UPP2: variants seen among roughly 807,000 people sequenced by gnomAD.
The protein encoded by UPP2 is uridine phosphorylase 2.
Under a neutral mutation model 26.7 loss-of-function variants are expected in UPP2, and 23 were observed. That is an observed-to-expected ratio of 0.86 (90% CI 0.62 to 1.22). UPP2 has a LOEUF of 1.22. Ranked by LOEUF, UPP2 falls within the 50% of genes most tolerant of loss-of-function variation. UPP2 has a pLI of 0.00. For synonymous variants in UPP2, 127 were observed against 141.3 expected, an observed-to-expected ratio of 0.90 and a Z score of 0.72; for missense variants, 387 against 396.7, an observed-to-expected ratio of 0.98 and a Z score of 0.21.
intron 3 of UPP2, among the ~76,000 whole-genome samples, chr2:158,051,804 A>C (rs200982727): frequency 1.5e-5 from 1 of 66,998 alleles, no homozygotes; most frequent in Middle Eastern, 8.8e-3. Flanking sequence ...ACAACAACAA[A>C]ACAAAACAAC....
intron 3 of UPP2, among the ~76,000 whole-genome samples, chr2:158,026,120 G>C (rs1419551388): frequency 2.0e-5 from 3 of 152,070 alleles, no homozygotes; most frequent in Non-Finnish European, 4.4e-5. Context: ...GGTGGGAAGG[G>C]AAAGCTCTTG....
chr2:158,036,993 CTTCAAG>C (rs1478428621), intron 3 of UPP2, among the ~76,000 whole-genome samples: 1 of 152,190 alleles, frequency 6.6e-6, no homozygotes, highest in Non-Finnish European at 1.5e-5. Context: ...AGTTTCCTAT[CTTCAAG>C]TTCATTTATT....
intron 5 of UPP2, among the ~76,000 whole-genome samples, chr2:158,122,828 T>C (rs1683599993): frequency 6.6e-6 from 1 of 152,206 alleles, no homozygotes; most frequent in African/African-American, 2.4e-5. Flanking sequence ...CGACATTACC[T>C]GCTTGGCTTC....
At chr2:158,095,488 T>C (rs1682971104) in intron 3 of UPP2, among the ~76,000 whole-genome samples, 1 of 152,142 alleles carries the variant, frequency 6.6e-6, no homozygotes, top group South Asian at 2.1e-4. Flanking sequence ...CCTTGGACTT[T>C]GTCTTCTTTA....
intron 3 of UPP2, chr2:158,065,874 G>A: frequency 1.5e-6 from 1 of 647,094 alleles, no homozygotes; most frequent in East Asian, 2.9e-5. Flanking sequence ...CCTTGGGAGA[G>A]CTCCAGTACT....
intron 3 of UPP2, among the ~76,000 whole-genome samples, chr2:158,035,505 T>C (rs1422154667): frequency 6.6e-6 from 1 of 152,168 alleles, no homozygotes; most frequent in Admixed American, 6.5e-5. Context: ...GATCAGCATA[T>C]TATCCCATTC....
At chr2:158,069,017 C>T (rs1574273420) in intron 3 of UPP2, among the ~76,000 whole-genome samples, 1 of 150,870 alleles carries the variant, frequency 6.6e-6, no homozygotes. Context: ...CGAGGTTTCA[C>T]TGTGTTAGCC....
At chr2:158,119,122 A>G (rs1411036968) in intron 4 of UPP2, among the ~76,000 whole-genome samples, 1 of 152,064 alleles carries the variant, frequency 6.6e-6, no homozygotes, top group African/African-American at 2.4e-5. Context: ...ATAGCTATTA[A>G]AGTTGCTCAT....
chr2:158,128,625 G>A (rs1683741715), intron 6 of UPP2, among the ~76,000 whole-genome samples: 1 of 152,164 alleles, frequency 6.6e-6, no homozygotes, highest in East Asian at 1.9e-4. Flanking sequence ...GGAAACAGGT[G>A]AGCTGGACTT....
At chr2:158,016,868 T>C (rs1015704258) in intron 3 of UPP2, among the ~76,000 whole-genome samples, 1 of 152,236 alleles carries the variant, frequency 6.6e-6, no homozygotes, top group Non-Finnish European at 1.5e-5. Context: ...TTTTTCCCTC[T>C]GAACAAAAAA....
At chr2:158,022,473 A>AG (rs1421942360) in intron 3 of UPP2, among the ~76,000 whole-genome samples, 13 of 151,952 alleles carry the variant, frequency 8.6e-5, no homozygotes, top group Non-Finnish European at 1.5e-5. Context: ...AAAAAAAAAA[A>AG]AAAGTTCCAT....
At chr2:158,001,299 A>T (rs575271006) in intron 2 of UPP2, among the ~76,000 whole-genome samples, 1 of 152,282 alleles carries the variant, frequency 6.6e-6, no homozygotes, top group East Asian at 1.9e-4. Flanking sequence ...GGAAATCACA[A>T]GGAGTAGTGC....
intron 2 of UPP2, among the ~76,000 whole-genome samples, chr2:158,001,957 CAAAAAAAAAA>C (rs200818827): frequency 7.6e-5 from 5 of 65,492 alleles, no homozygotes; most frequent in Admixed American, 2.5e-4. Context: ...GAATGAGCAC[CAAAAAAAAAA>C]AAAAAAAAAA....
chr2:158,035,173 T>TC (rs1290696763), intron 3 of UPP2, among the ~76,000 whole-genome samples: 8 of 151,328 alleles, frequency 5.3e-5, no homozygotes, highest in Non-Finnish European at 1.2e-4. Context: ...TTTTTTTTTT[T>TC]CTGAGATGGA....
At chr2:158,091,753 T>C (rs756245604) in intron 3 of UPP2, among the ~76,000 whole-genome samples, 1 of 152,318 alleles carries the variant, frequency 6.6e-6, no homozygotes, top group Non-Finnish European at 1.5e-5. Context: ...CCGTTTTACA[T>C]GCTTCTCTTC....
chr2:158,134,697 T>C (rs186779782), intron 6 of UPP2, 51 bp from the exon 7 acceptor site: 94 of 1,530,942 alleles, frequency 6.1e-5, no homozygotes, highest in Middle Eastern at 5.2e-4. Context: ...AATGCTTCTA[T>C]AGAAAAGATG....
At chr2:158,026,489 C>T (rs552547636) in intron 3 of UPP2, among the ~76,000 whole-genome samples, 1 of 152,238 alleles carries the variant, frequency 6.6e-6, no homozygotes, top group African/African-American at 2.4e-5. Context: ...ACGAGCGTCT[C>T]TCTAGGACTA....
At chr2:158,103,119 A>G (rs1683109608) in intron 1 of UPP2, among the ~76,000 whole-genome samples, 1 of 152,204 alleles carries the variant, frequency 6.6e-6, no homozygotes, top group Admixed American at 6.5e-5. Context: ...AACTACATTC[A>G]TATTGGGTAG....
chr2:158,097,637 A>G (rs202070126), upstream of UPP2, among the ~76,000 whole-genome samples: 2 of 152,152 alleles, frequency 1.3e-5, no homozygotes, highest in East Asian at 1.9e-4. Flanking sequence ...GGATGCTGCA[A>G]TCCTCCCCAG....
Sources: allele counts gnomAD v4.1 joint callset (sites outside exome capture counted in the v4.1 genomes callset), GRCh38; gene constraint gnomAD v4.1.1; transcripts MANE v1.5; gene names NCBI Gene and HGNC (gene_info 2026-07-23, HGNC 2026-07-21).